The following OPHN1 variants were observed in gnomAD, a reference collection of about 807,000 sequenced individuals.
OPHN1 encodes oligophrenin 1.
Under a neutral mutation model 60.7 loss-of-function variants are expected in OPHN1, and 11 were observed. The observed-to-expected ratio is 0.18, with a 90% confidence interval of 0.11 to 0.30. The LOEUF is 0.30. Among genes scored for constraint, OPHN1 ranks in the 10% least tolerant of loss-of-function variants. The probability of loss-of-function intolerance (pLI) is 1.00; values close to 1 mark genes in which losing one functional copy is unlikely to be tolerated. For synonymous variants in OPHN1, 226 were observed against 222.6 expected (o/e 1.02, Z -0.14); for missense variants, 449 against 611.0 (o/e 0.73, Z 2.80).
intron 2 of OPHN1, among the ~76,000 whole-genome samples, chrX:68,301,376 G>A (rs1304264169): frequency 1.9e-5 from 2 of 104,117 alleles, no homozygotes; most frequent in Non-Finnish European, 3.9e-5. Context: ...AACCTGGGAG[G>A]TGGAGGTTGC....
chrX:68,180,877 C>A (rs1250178106), intron 15 of OPHN1, among the ~76,000 whole-genome samples: 3 of 111,808 alleles, frequency 2.7e-5, no homozygotes, highest in African/African-American at 9.7e-5. Context: ...GAGTAAACAG[C>A]CACTTCTCAG....
At chrX:68,230,225 C>T (rs2077720647) in intron 6 of OPHN1, among the ~76,000 whole-genome samples, 2 of 111,356 alleles carry the variant, frequency 1.8e-5, no homozygotes, top group African/African-American at 6.5e-5. Flanking sequence ...TACCATCTCA[C>T]ACCAGTTAGA....
chrX:68,416,174 T>C (rs1242874307), intron 2 of OPHN1, among the ~76,000 whole-genome samples: 1 of 104,242 alleles, frequency 9.6e-6, no homozygotes, highest in East Asian at 3.0e-4. Flanking sequence ...TCCTGAGTAG[T>C]GGGATTACAG....
At chrX:68,080,900 G>A (rs1274725718) in intron 19 of OPHN1, among the ~76,000 whole-genome samples, 1 of 112,067 alleles carries the variant, frequency 8.9e-6, no homozygotes, top group Non-Finnish European at 1.9e-5. Flanking sequence ...ATTACCCACT[G>A]TATGAAGACT....
At chrX:68,106,502 G>A (rs915090287) in intron 18 of OPHN1, among the ~76,000 whole-genome samples, 1 of 111,330 alleles carries the variant, frequency 9.0e-6, no homozygotes, top group Non-Finnish European at 1.9e-5. Flanking sequence ...GTCTTTTTTC[G>A]TCTGCCTGCT....
At chrX:68,279,139 A>T (rs1326468735) in intron 4 of OPHN1, among the ~76,000 whole-genome samples, 2 of 43,577 alleles carry the variant, frequency 4.6e-5, no homozygotes, top group Non-Finnish European at 7.4e-5. Flanking sequence ...TTTTTTTGGC[A>T]GGGCCTTACT....
rs777844809 is a variant in OPHN1, at chrX:68,159,550, T to C, written c.1276+33369A>G. ...CAACAAGTTTTTAAAATTATATACT[T>C]GCTCTCCATTCCTCTCTCAGGTTCA... On this transcript the variant is annotated intron_variant, in intron 15 of 24. Transcript: ENST00000355520. Among the ~76,000 whole-genome samples the C allele has an allele frequency of 1.6e-3, 182 of 112,168 alleles. 1 individual carries two copies. The highest frequency in any genetic ancestry group is 5.6e-3 in the African/African-American group (172 of 30,931).
intron 5 of OPHN1, among the ~76,000 whole-genome samples, chrX:68,246,087 G>A (rs182754795): frequency 1.8e-5 from 2 of 111,751 alleles, no homozygotes; most frequent in Admixed American, 1.9e-4. Flanking sequence ...TTACAGGCGT[G>A]AGCCACTGTG....
intron 5 of OPHN1, among the ~76,000 whole-genome samples, chrX:68,247,326 AG>A (rs1438058841): frequency 8.9e-6 from 1 of 111,998 alleles, no homozygotes; most frequent in Admixed American, 9.6e-5. Context: ...TTAAGGCCGT[AG>A]GCAAATTTTC....
intron 2 of OPHN1, among the ~76,000 whole-genome samples, chrX:68,388,464 A>T (rs1449094216): frequency 1.8e-5 from 2 of 108,738 alleles, no homozygotes; most frequent in Admixed American, 2.0e-4. Context: ...TGTCTCAAAA[A>T]AAAAAAAAAA....
At chrX:68,177,925 C>T (rs1299698196) in intron 15 of OPHN1, among the ~76,000 whole-genome samples, 1 of 111,687 alleles carries the variant, frequency 9.0e-6, no homozygotes, top group Non-Finnish European at 1.9e-5. Context: ...TAGAATAGAC[C>T]TATATTTTAA....
intron 2 of OPHN1, among the ~76,000 whole-genome samples, chrX:68,396,298 C>T (rs2078683363): frequency 3.0e-5 from 3 of 101,000 alleles, no homozygotes. Flanking sequence ...GGCACGGTGG[C>T]ACACGCCTGT....
intron 15 of OPHN1, among the ~76,000 whole-genome samples, chrX:68,138,064 C>A: frequency 8.9e-6 from 1 of 111,849 alleles, no homozygotes; most frequent in Non-Finnish European, 1.9e-5. Context: ...TGGCCAGATC[C>A]CAAGGACAGA....
chrX:68,125,363 T>G (rs5965501), intron 15 of OPHN1, among the ~76,000 whole-genome samples: 1,754 of 111,426 alleles, frequency 0.016, 50 homozygotes, highest in African/African-American at 0.055. Flanking sequence ...GAATTTGACA[T>G]GATAATAATA....
At position 68,090,242 on chromosome X, in the gene OPHN1, CTGTGTGTGTGTGTG is replaced by C. The variant is rs10549357; in HGVS notation, c.1686+6614_1686+6627del. On this transcript the variant is annotated intron_variant, in intron 19 of 24. Coordinates refer to ENST00000355520, the MANE Select transcript of OPHN1 (RefSeq NM_002547.3). ...CCCACCCCCCACCAAGTGTGTGTGT[CTGTGTGTGTGTGTG>C]TGTGTGTGTGTGTGTGTGTAGGTAG... 4.1e-5 allele frequency among the ~76,000 whole-genome samples: 4 copies of C among 98,161 alleles called. No homozygotes were observed. In the East Asian group the frequency reaches 1.3e-3, roughly 32 times the overall value. The allele number at this position is 98,161 out of a possible 115,157, so 85.2% of individuals were successfully genotyped here. A position where few individuals can be genotyped will look rare whatever the true frequency, so the allele number is the denominator to read the frequency against.
intron 10 of OPHN1, among the ~76,000 whole-genome samples, chrX:68,204,684 T>C (rs2077550349): frequency 8.9e-6 from 1 of 111,793 alleles, no homozygotes; most frequent in African/African-American, 3.3e-5. Context: ...TAAGTTCTTC[T>C]TTCCATTCCA....
At chrX:68,373,990 A>G (rs2078542596) in intron 2 of OPHN1, among the ~76,000 whole-genome samples, 1 of 111,859 alleles carries the variant, frequency 8.9e-6, no homozygotes, top group African/African-American at 3.2e-5. Flanking sequence ...AAAACCTAAA[A>G]TGCTAAAATG....
At chrX:68,155,383 A>G (rs1250970881) in intron 15 of OPHN1, among the ~76,000 whole-genome samples, 1 of 111,317 alleles carries the variant, frequency 9.0e-6, no homozygotes, top group African/African-American at 3.3e-5. Context: ...CATACTCCCC[A>G]CATGTCTAGA....
intron 2 of OPHN1, among the ~76,000 whole-genome samples, chrX:68,343,038 C>T (rs754394755): frequency 4.6e-5 from 5 of 108,539 alleles, no homozygotes; most frequent in Non-Finnish European, 7.7e-5. Flanking sequence ...TTTGGGAGGG[C>T]GAGGCAGGTG....
Sources: gnomAD v4.1 joint callset for allele counts (sites outside exome capture counted in the v4.1 genomes callset) on GRCh38, gnomAD v4.1.1 for gene constraint, MANE v1.5 for transcripts, NCBI Gene and HGNC (gene_info 2026-07-23, HGNC 2026-07-21) for gene names.